The following KAZN variants were observed in gnomAD, a reference collection of about 807,000 sequenced individuals.
KAZN encodes kazrin.
In KAZN, 40 loss-of-function variants were observed where a neutral mutation model predicts 87.4. The ratio of observed to expected loss-of-function variants is 0.46; its 90% CI spans 0.36 to 0.60. The LOEUF (loss-of-function observed/expected upper bound fraction) is 0.60, where lower values mean the gene tolerates loss of function less well. Among genes scored for constraint, KAZN ranks in the 20% least tolerant of loss-of-function variants. The pLI is 0.00. For missense variants in KAZN, 898 were observed against 1,073.9 expected, an observed-to-expected ratio of 0.84 and a Z score of 2.29; for synonymous variants, 466 against 458.3, an observed-to-expected ratio of 1.02 and a Z score of -0.22.
chr1:15,059,097 A>G (rs1280627756), intron 5 of KAZN, among the ~76,000 whole-genome samples: 2 of 149,096 alleles, frequency 1.3e-5, no homozygotes, highest in Admixed American at 6.6e-5. Context: ...AACAGAAAAC[A>G]GGCACTTTTT....
At chr1:14,115,817 A>G (rs1557487604) in intron 1 of KAZN, among the ~76,000 whole-genome samples, 1 of 152,224 alleles carries the variant, frequency 6.6e-6, no homozygotes, top group Non-Finnish European at 1.5e-5. Context: ...CAAAATGCTG[A>G]TAGCGATACG....
At chr1:14,018,017 T>C (rs1640650221) in intron 1 of KAZN, among the ~76,000 whole-genome samples, 1 of 152,214 alleles carries the variant, frequency 6.6e-6, no homozygotes, top group Non-Finnish European at 1.5e-5. Flanking sequence ...TGAACTCATT[T>C]AAGCCTCAAC....
intron 1 of KAZN, among the ~76,000 whole-genome samples, chr1:14,014,900 T>C (rs1198673937): frequency 6.6e-6 from 1 of 152,162 alleles, no homozygotes; most frequent in Non-Finnish European, 1.5e-5. Flanking sequence ...GGTAAGGAAA[T>C]GTAGCCTCAA....
chr1:14,643,104 CCAAA>C (rs111906533), intron 1 of KAZN, among the ~76,000 whole-genome samples: 15,698 of 152,102 alleles, frequency 0.1, 2,295 homozygotes, highest in African/African-American at 0.33. Context: ...TGGAAACAAC[CCAAA>C]CATTCTTCAG....
At chr1:14,003,427 C>T (rs1639894218) in intron 1 of KAZN, among the ~76,000 whole-genome samples, 1 of 151,266 alleles carries the variant, frequency 6.6e-6, no homozygotes, top group African/African-American at 2.4e-5. Flanking sequence ...CCAGCACTTA[C>T]ACTTTTATAT....
At chr1:14,546,600 C>T (rs1389168856) in intron 2 of KAZN, among the ~76,000 whole-genome samples, 2 of 151,978 alleles carry the variant, frequency 1.3e-5, no homozygotes, top group Non-Finnish European at 2.9e-5. Flanking sequence ...GCAGAGAAAA[C>T]GAAAAGGAAA....
At chr1:13,975,495 C>T (rs929144861) in intron 1 of KAZN, among the ~76,000 whole-genome samples, 1 of 151,454 alleles carries the variant, frequency 6.6e-6, no homozygotes, top group Non-Finnish European at 1.5e-5. Flanking sequence ...TAATTTGCAA[C>T]TTGAAACACA....
rs1268996854 is a variant in KAZN at position 15,112,471 on chromosome 1, G to T, written c.2093G>T (p.Gly698Val). The change falls in exon 14 of 15, where the codon GGC becomes GTC. Residue 698 changes from glycine to valine, a missense_variant. Transcript: ENST00000376030. ...REAERFGTPP[G>V]RASSVTRAGK... ...GCTGAGCGTTTTGGAACGCCCCCTGGCAGGGCCTCCAGCGTCACGCGGGCA... is the reference window on the plus strand; with the variant it reads ...GCTGAGCGTTTTGGAACGCCCCCTGTCAGGGCCTCCAGCGTCACGCGGGCA... The T allele has an allele frequency of 6.2e-7, 1 of 1,608,432 alleles. No homozygotes were observed. The highest frequency in any genetic ancestry group is 1.3e-5 in the African/African-American group (1 of 74,850).
rs372132709 is a variant in KAZN, at chr1:14,161,238, T to TA, written c.92-19193dup. Among the ~76,000 whole-genome samples the TA allele has an allele frequency of 1.2e-3, 188 of 152,312 alleles. 1 individual carries two copies. Among genetic ancestry groups the TA allele is most frequent in the Middle Eastern group, 6.8e-3 (2 of 294 alleles). On this transcript the variant is annotated intron_variant, in intron 1 of 16. Transcript: ENST00000636203. The stretch of plus-strand genomic sequence containing the variant: ...GAAATTACATCCAAACAGAGCAGCT[T>TA]AAAACAATAACAGATCCTTATCTCA...
At chr1:14,668,843 G>T (rs1415380651) in intron 1 of KAZN, among the ~76,000 whole-genome samples, 1 of 152,182 alleles carries the variant, frequency 6.6e-6, no homozygotes. Flanking sequence ...GCCGGCTGCA[G>T]CTCACGCAGC....
chr1:14,827,012 T>G (rs1190364440), intron 1 of KAZN, among the ~76,000 whole-genome samples: 4 of 152,194 alleles, frequency 2.6e-5, no homozygotes, highest in African/African-American at 9.7e-5. Context: ...CTATTGGAGC[T>G]GCCGTGAGGG....
chr1:14,047,886 AAAT>A (rs1262400366), intron 1 of KAZN, among the ~76,000 whole-genome samples: 6 of 149,740 alleles, frequency 4.0e-5, no homozygotes, highest in South Asian at 2.1e-4. Flanking sequence ...AGAAAAAAAA[AAAT>A]AAAGAAAGAA....
chr1:15,026,611 C>T (rs1671187919), intron 2 of KAZN, among the ~76,000 whole-genome samples: 1 of 152,050 alleles, frequency 6.6e-6, no homozygotes, highest in Non-Finnish European at 1.5e-5. Flanking sequence ...GTCAGCACCC[C>T]ACAGTCACTC....
intron 2 of KAZN, among the ~76,000 whole-genome samples, chr1:14,971,243 C>T (rs899174406): frequency 1.3e-5 from 2 of 152,054 alleles, no homozygotes; most frequent in East Asian, 3.9e-4. Flanking sequence ...ACTAAAAATA[C>T]GAAAATTAGC....
intron 2 of KAZN, among the ~76,000 whole-genome samples, chr1:14,212,198 G>A (rs566041461): frequency 2.6e-5 from 4 of 152,072 alleles, no homozygotes; most frequent in African/African-American, 7.2e-5. Flanking sequence ...TTATGCAGAC[G>A]GTTGGCATCA....
At chr1:14,504,216 T>C (rs1321164858) in intron 2 of KAZN, among the ~76,000 whole-genome samples, 1 of 152,122 alleles carries the variant, frequency 6.6e-6, no homozygotes, top group Non-Finnish European at 1.5e-5. Flanking sequence ...GGAAACAGAC[T>C]TGGGGGTAGT....
chr1:14,511,084 C>T (rs1378222827), intron 2 of KAZN, among the ~76,000 whole-genome samples: 2 of 148,052 alleles, frequency 1.4e-5, no homozygotes, highest in East Asian at 2.1e-4. Flanking sequence ...TTATTAACAC[C>T]ATGGGCTTTA....
intron 1 of KAZN, among the ~76,000 whole-genome samples, chr1:14,174,188 G>T (rs189750032): frequency 3.9e-5 from 6 of 152,196 alleles, no homozygotes; most frequent in African/African-American, 1.4e-4. Flanking sequence ...CTGGCGAAAA[G>T]GTGGTGGTAG....
rs76767625 is a variant in KAZN, at chr1:14,010,841, T to A, written c.91+117085T>A. Among the ~76,000 whole-genome samples, 621 of 152,314 alleles carry A rather than the reference T, an allele frequency of 4.1e-3. 5 individuals are homozygous for A. Among genetic ancestry groups the A allele is most frequent in the African/African-American group, 0.014 (601 of 41,576 alleles). On this transcript the variant is annotated intron_variant, in intron 1 of 16. Transcript: ENST00000636203. ...GTTCCTCAGGTTGGGTTAAGTGTCA[T>A]GTGGCCAGAGGAAAACATCTGCATT...
Sources: allele counts gnomAD v4.1 joint callset (sites outside exome capture counted in the v4.1 genomes callset), GRCh38; gene constraint gnomAD v4.1.1; transcripts MANE v1.5; gene names NCBI Gene and HGNC (gene_info 2026-07-23, HGNC 2026-07-21).